The following TMTC4 variants were observed in gnomAD, a reference collection of about 807,000 sequenced individuals.
TMTC4 encodes the protein protein O-mannosyl-transferase TMTC4.
Under a neutral mutation model 86.0 loss-of-function variants are expected in TMTC4, and 65 were observed. The observed-to-expected ratio is 0.76, with a 90% CI of 0.62 to 0.93. The LOEUF is 0.93. Ranked by LOEUF, TMTC4 falls within the 40% of genes least tolerant of loss-of-function variation. The pLI is 0.00. For synonymous variants in TMTC4, 379 were observed against 382.5 expected (o/e 0.99, Z 0.11); for missense variants, 866 against 948.1 (o/e 0.91, Z 1.14).
chr13:100,611,183 T>C (rs866798617), intron 17 of TMTC4, among the ~76,000 whole-genome samples: 20 of 152,216 alleles, frequency 1.3e-4, no homozygotes, highest in Non-Finnish European at 1.6e-4. Flanking sequence ...GGCTGAGTGA[T>C]TGAAATAAGA....
rs954223806 is a variant in TMTC4, at chr13:100,616,958, T to C, written c.1837-2528A>G. On this transcript the variant is annotated intron_variant, in intron 15 of 18. Transcript: ENST00000342624. ...TGAATATTTTCTCCCATTCTGTAGG[T>C]CGTCTGTTTACTCTCTTGATAGTTT... Among the ~76,000 whole-genome samples the C allele has an allele frequency of 2.1e-4, 32 of 152,180 alleles. 1 individual carries two copies. Among genetic ancestry groups the C allele is most frequent in the Non-Finnish European group, 4.4e-5 (3 of 68,024 alleles).
intron 6 of TMTC4, among the ~76,000 whole-genome samples, chr13:100,643,488 C>T (rs1028610152): frequency 3.9e-5 from 6 of 152,154 alleles, no homozygotes; most frequent in African/African-American, 1.2e-4. Flanking sequence ...GAACACCTGG[C>T]CATTTGTGAG....
In TMTC4 at chr13:100,637,947, T is replaced by C. The variant is rs749181109; in HGVS notation, c.817A>G (p.Lys273Glu). Residue 273 changes from lysine to glutamate, a missense_variant, in exon 8 of 19, where the codon AAG (lysine) becomes GAG (glutamate). Lys to Glu is a moderately conservative substitution (Grantham distance 56). Transcript: ENST00000342624. ...AGACTCACCTCTAATGACTTGTCCT[T>C]ATGTAGTACCTTCTGGACAATTTCC... is the stretch of plus-strand genomic sequence containing the variant. ...VLEIVQKVLH[K>E]DKSLENLGML... The C allele has an allele frequency of 6.2e-7, 1 of 1,613,634 alleles. No homozygotes were observed. The highest frequency in any genetic ancestry group is 1.1e-5 in the South Asian group (1 of 90,976).
chr13:100,658,516 G>A (rs1885387678), intron 5 of TMTC4, among the ~76,000 whole-genome samples: 1 of 152,080 alleles, frequency 6.6e-6, no homozygotes, highest in Non-Finnish European at 1.5e-5. Flanking sequence ...GGGGACCACA[G>A]AGAACAGGGT....
At chr13:100,639,665 C>T (rs1239055155) in intron 7 of TMTC4, among the ~76,000 whole-genome samples, 4 of 152,172 alleles carry the variant, frequency 2.6e-5, no homozygotes, top group African/African-American at 4.8e-5. Context: ...GGAGGCCTGG[C>T]GTGGTGGCTC....
chr13:100,610,860 A>G (rs752680671), intron 17 of TMTC4, among the ~76,000 whole-genome samples: 14 of 152,246 alleles, frequency 9.2e-5, no homozygotes, highest in African/African-American at 1.4e-4. Flanking sequence ...TCCCAGGCTG[A>G]CAGATGGCTG....
intron 15 of TMTC4, among the ~76,000 whole-genome samples, chr13:100,621,001 T>A (rs1879384585): frequency 6.6e-6 from 1 of 152,196 alleles, no homozygotes; most frequent in Admixed American, 6.5e-5. Context: ...AAGCCTTAAA[T>A]AAGCAGGAAC....
chr13:100,617,691 T>C (rs1475516981), intron 15 of TMTC4, among the ~76,000 whole-genome samples: 1 of 152,222 alleles, frequency 6.6e-6, no homozygotes, highest in African/African-American at 2.4e-5. Flanking sequence ...TCCACTCATC[T>C]GTGTGTCTGT....
chr13:100,668,460 T>C (rs1886662292), intron 3 of TMTC4, 119 bp downstream of exon 3: 1 of 1,016,562 alleles, frequency 9.8e-7, no homozygotes, highest in Non-Finnish European at 1.4e-6. Flanking sequence ...GAGAGCACCA[T>C]CGGGGCCCAG....
rs543831320 is a variant in TMTC4 at position 100,643,485 on chromosome 13, T to C, written c.641-1174A>G. Among the ~76,000 whole-genome samples, 6 of 152,340 alleles carry C rather than the reference T, an allele frequency of 3.9e-5. No individual in the cohort carries two copies. The East Asian group carries it at 7.7e-4, about 20-fold the overall frequency. On this transcript the variant is annotated intron_variant, in intron 6 of 18. Transcript: ENST00000342624. ...AAGGAAAAAATTACATAGGAACACC[T>C]GGCCATTTGTGAGAAAAACTCATAA...
intron 6 of TMTC4, among the ~76,000 whole-genome samples, chr13:100,652,533 G>A (rs1290684671): frequency 1.3e-5 from 2 of 152,080 alleles, no homozygotes; most frequent in Admixed American, 1.3e-4. Context: ...AACACCAAAT[G>A]AACAAAGCTC....
intron 15 of TMTC4, among the ~76,000 whole-genome samples, chr13:100,619,796 T>C (rs537902907): frequency 4.1e-4 from 63 of 152,330 alleles, no homozygotes; most frequent in Non-Finnish European, 6.5e-4. Context: ...ATTATCTCTA[T>C]TTGATGTTCC....
chr13:100,664,795 T>C (rs1886210951), intron 3 of TMTC4, among the ~76,000 whole-genome samples: 1 of 152,198 alleles, frequency 6.6e-6, no homozygotes, highest in Admixed American at 6.5e-5. Context: ...TGTCAAGCAA[T>C]GTGTGGCACC....
intron 6 of TMTC4, among the ~76,000 whole-genome samples, chr13:100,647,909 C>T (rs1370919370): frequency 6.6e-6 from 1 of 152,114 alleles, no homozygotes; most frequent in East Asian, 1.9e-4. Flanking sequence ...TACTGACAAC[C>T]TTCTCCCTAA....
intron 6 of TMTC4, among the ~76,000 whole-genome samples, chr13:100,650,931 T>C (rs1884358521): frequency 6.6e-6 from 1 of 152,238 alleles, no homozygotes; most frequent in Non-Finnish European, 1.5e-5. Context: ...GCAAGATTTA[T>C]CCCATTTTAG....
chr13:100,625,956 T>C, intron 13 of TMTC4, 64 bp from the exon 14 acceptor site: 2 of 1,597,234 alleles, frequency 1.3e-6, no homozygotes, highest in Non-Finnish European at 1.7e-6. Context: ...TACTAAACTC[T>C]CAGGAATCGG....
intron 2 of TMTC4, 141 bp from the exon 3 acceptor site, chr13:100,668,935 T>C (rs1408901857): frequency 1.1e-6 from 1 of 924,636 alleles, no homozygotes; most frequent in African/African-American, 1.7e-5. Context: ...AAGCTGTGCT[T>C]CCCAAACTTT....
At chr13:100,673,271 A>G in intron 1 of TMTC4, 2 of 982,150 alleles carry the variant, frequency 2.0e-6, no homozygotes, top group South Asian at 9.4e-5. Context: ...GACAGCTGAC[A>G]CGGCAGCCTG....
In TMTC4 at chr13:100,674,365, G is replaced by A. The variant is rs1015497034; in HGVS notation, c.-208+379C>T. On this transcript the variant is annotated intron_variant, in intron 1 of 18. Transcript: ENST00000342624. ...CGCGGGGCCCCGCGGCCAGATGGCC[G>A]CTCCGGGGACGCGCCGCAGGCGCCG... 595 of 974,260 alleles carry A rather than the reference G, an allele frequency of 6.1e-4. 3 individuals are homozygous for A. The African/African-American group carries it at 7.6e-3, about 12-fold the overall frequency. The allele number at this position is 974,260 out of a possible 1,614,324, so 60.4% of individuals were successfully genotyped here.
Sources: gnomAD v4.1 joint callset for allele counts (sites outside exome capture counted in the v4.1 genomes callset) on GRCh38, gnomAD v4.1.1 for gene constraint, MANE v1.5 for transcripts, NCBI Gene and HGNC (gene_info 2026-07-23, HGNC 2026-07-21) for gene names.